Variants in ZFAND3 observed in about 807,000 individuals in gnomAD.
ZFAND3 encodes AN1-type zinc finger protein 3.
In ZFAND3, 10 loss-of-function variants were observed where a neutral mutation model predicts 29.6. The observed-to-expected ratio is 0.34, with a 90% CI of 0.21 to 0.57. The LOEUF is 0.57. Among genes scored for constraint, ZFAND3 ranks in the 20% least tolerant of loss-of-function variants. The pLI, the probability that ZFAND3 is intolerant of heterozygous loss-of-function variation, is 0.86. For missense variants in ZFAND3, 230 were observed against 304.5 expected, an observed-to-expected ratio of 0.76 and a Z score of 1.82; for synonymous variants, 128 against 112.6, an observed-to-expected ratio of 1.14 and a Z score of -0.87.
At chr6:37,897,296 CT>C (rs1365639814) in intron 1 of ZFAND3, among the ~76,000 whole-genome samples, 1 of 152,160 alleles carries the variant, frequency 6.6e-6, no homozygotes, top group African/African-American at 2.4e-5. Flanking sequence ...ATCATAGGCA[CT>C]TCTTCATGTC....
intron 2 of ZFAND3, among the ~76,000 whole-genome samples, chr6:38,055,778 C>A (rs1764122854): frequency 6.6e-6 from 1 of 152,146 alleles, no homozygotes; most frequent in Non-Finnish European, 1.5e-5. Flanking sequence ...TTTAGAAATG[C>A]CGACCCACAT....
chr6:37,887,918 T>C lies in ZFAND3; in HGVS notation c.72-42041T>C, dbSNP rs568947236. Among the ~76,000 whole-genome samples the C allele has an allele frequency of 2.0e-5, 3 of 152,312 alleles. No homozygotes were observed. In the South Asian group the frequency reaches 6.2e-4, roughly 32 times the overall value. On this transcript the variant is annotated intron_variant, in intron 1 of 5. Transcript: ENST00000287218. ...CAAAGTCATGCTATCTCAAGTGCAG[T>C]TGGGCTTTTCATTGTGTTGAGATTT... is the stretch of plus-strand genomic sequence containing the variant.
At chr6:37,898,780 G>A (rs1765264908) in intron 1 of ZFAND3, among the ~76,000 whole-genome samples, 1 of 152,094 alleles carries the variant, frequency 6.6e-6, no homozygotes, top group African/African-American at 2.4e-5. Flanking sequence ...ATTTTTGTAT[G>A]TTGACCTTAT....
intron 2 of ZFAND3, among the ~76,000 whole-genome samples, chr6:38,043,442 C>A (rs1020592478): frequency 2.0e-5 from 3 of 148,598 alleles, no homozygotes. Flanking sequence ...TCTCTCCTAT[C>A]CCCTCCCCGT....
intron 1 of ZFAND3, among the ~76,000 whole-genome samples, chr6:37,902,231 T>C (rs1245064459): frequency 6.6e-6 from 1 of 152,156 alleles, no homozygotes; most frequent in Admixed American, 6.5e-5. Flanking sequence ...GGAGGATTGC[T>C]TGAGCCTAGG....
At chr6:37,990,316 G>C (rs1762737483) in intron 2 of ZFAND3, among the ~76,000 whole-genome samples, 1 of 152,136 alleles carries the variant, frequency 6.6e-6, no homozygotes, top group African/African-American at 2.4e-5. Context: ...ACTAGGCTAT[G>C]ATTTGGGGTA....
chr6:38,132,897 CTCT>C (rs965360734), intron 5 of ZFAND3, among the ~76,000 whole-genome samples: 5 of 152,230 alleles, frequency 3.3e-5, no homozygotes, highest in East Asian at 1.9e-4. Context: ...GTCACAAATC[CTCT>C]TCTTCAAGCC....
chr6:38,128,743 A>G (rs1765684804), intron 5 of ZFAND3, among the ~76,000 whole-genome samples: 1 of 152,128 alleles, frequency 6.6e-6, no homozygotes, highest in South Asian at 2.1e-4. Flanking sequence ...GCACTCATTG[A>G]TTGATGGGCA....
At chr6:37,968,698 TC>T (rs1246943820) in intron 2 of ZFAND3, among the ~76,000 whole-genome samples, 1 of 152,062 alleles carries the variant, frequency 6.6e-6, no homozygotes, top group African/African-American at 2.4e-5. Flanking sequence ...CCTTCCCCCT[TC>T]CCCCTTCCGC....
intron 1 of ZFAND3, among the ~76,000 whole-genome samples, chr6:37,900,423 T>C (rs1485780106): frequency 1.3e-5 from 2 of 152,232 alleles, no homozygotes; most frequent in Non-Finnish European, 2.9e-5. Context: ...AAATGGTGTT[T>C]GAGCAAACTT....
chr6:38,048,147 A>G lies in ZFAND3; in HGVS notation c.113-13446A>G, dbSNP rs541271840. 2.6e-5 allele frequency among the ~76,000 whole-genome samples: 4 copies of G among 151,990 alleles called. No individual in the cohort carries two copies. The South Asian group carries it at 8.3e-4, about 32-fold the overall frequency. Reference sequence around the variant, plus strand: ...CAGCCTCCTGAGTAGCTGGGACTACAGGCGCGCACCATTATGCCTGGCCAA... The same window carrying G: ...CAGCCTCCTGAGTAGCTGGGACTACGGGCGCGCACCATTATGCCTGGCCAA... On this transcript the variant is annotated intron_variant, in intron 2 of 5. Coordinates refer to ENST00000287218, the MANE Select transcript of ZFAND3 (RefSeq NM_021943.3).
chr6:37,903,659 C>T (rs1004648470), intron 1 of ZFAND3, among the ~76,000 whole-genome samples: 2 of 152,172 alleles, frequency 1.3e-5, no homozygotes, highest in Non-Finnish European at 2.9e-5. Flanking sequence ...ATTTCAAAGT[C>T]ATCAGTGGCA....
intron 2 of ZFAND3, among the ~76,000 whole-genome samples, chr6:37,966,762 A>G (rs868603926): frequency 1.3e-4 from 20 of 152,278 alleles, no homozygotes; most frequent in African/African-American, 4.3e-4. Flanking sequence ...GTATTAATAG[A>G]TTGTTACCAT....
At chr6:37,892,237 C>T (rs978511394) in intron 1 of ZFAND3, among the ~76,000 whole-genome samples, 11 of 152,084 alleles carry the variant, frequency 7.2e-5, no homozygotes, top group Non-Finnish European at 1.5e-5. Context: ...AAACAATTAG[C>T]TGGTCAAAGA....
At chr6:37,882,262 T>C (rs764755886) in intron 1 of ZFAND3, among the ~76,000 whole-genome samples, 8 of 152,164 alleles carry the variant, frequency 5.3e-5, no homozygotes, top group African/African-American at 9.7e-5. Context: ...GATTTGTTTC[T>C]TGTCAGTATG....
chr6:38,026,907 CT>C (rs1656055023), intron 2 of ZFAND3, among the ~76,000 whole-genome samples: 1 of 149,944 alleles, frequency 6.7e-6, no homozygotes. Context: ...CTAATTTACT[CT>C]TTACAGATGA....
chr6:37,973,987 A>T (rs1250684334), intron 2 of ZFAND3, among the ~76,000 whole-genome samples: 1 of 152,236 alleles, frequency 6.6e-6, no homozygotes, highest in African/African-American at 2.4e-5. Flanking sequence ...GGAAAATAAT[A>T]AAGTTTTCCT....
chr6:37,903,007 C>T (rs1355802214), intron 1 of ZFAND3, among the ~76,000 whole-genome samples: 1 of 152,062 alleles, frequency 6.6e-6, no homozygotes, highest in Non-Finnish European at 1.5e-5. Context: ...ATTGGCAAAG[C>T]ATGTCAAGCT....
intron 4 of ZFAND3, among the ~76,000 whole-genome samples, chr6:38,110,629 AATCT>A (rs1362154003): frequency 2.6e-5 from 4 of 152,238 alleles, no homozygotes. Flanking sequence ...CATAAATGTC[AATCT>A]GTCAAGAGAC....
Sources: allele counts gnomAD v4.1 joint callset (sites outside exome capture counted in the v4.1 genomes callset), GRCh38; gene constraint gnomAD v4.1.1; transcripts MANE v1.5; gene names NCBI Gene and HGNC (gene_info 2026-07-23, HGNC 2026-07-21).